The following TEX14 variants were observed in gnomAD, a reference collection of about 807,000 sequenced individuals.
The protein encoded by TEX14 is inactive serine/threonine-protein kinase TEX14.
Under a neutral mutation model 178.6 loss-of-function variants are expected in TEX14, and 168 were observed. That is an observed-to-expected ratio of 0.94 (90% CI 0.83 to 1.07). The LOEUF is 1.07. Among genes scored for constraint, TEX14 ranks in the 50% least tolerant of loss-of-function variants. The pLI is 0.00. For missense variants in TEX14, 1,730 were observed against 1,753.6 expected, an observed-to-expected ratio of 0.99 and a Z score of 0.24; for synonymous variants, 626 against 634.1, an observed-to-expected ratio of 0.99 and a Z score of 0.19.
chr17:58,619,407 T>C (rs1209392464), intron 5 of TEX14, among the ~76,000 whole-genome samples: 1 of 152,212 alleles, frequency 6.6e-6, no homozygotes, highest in Non-Finnish European at 1.5e-5. Flanking sequence ...CTTTCCCCAG[T>C]CCAAGCTCTG....
intron 1 of TEX14, chr17:58,661,818 T>C (rs2047118165): frequency 1.0e-5 from 5 of 485,014 alleles, no homozygotes; most frequent in Non-Finnish European, 1.8e-5. Flanking sequence ...TTTGTCTCTC[T>C]GTTTCCGTTT....
chr17:58,577,443 G>C lies in TEX14; in HGVS notation c.3252C>G (p.Phe1084Leu). The C allele has an allele frequency of 6.8e-7, 1 of 1,466,572 alleles. No individual in the cohort carries two copies. Among genetic ancestry groups the C allele is most frequent in the South Asian group, 1.4e-5 (1 of 73,288 alleles). The allele number at this position is 1,466,572 out of a possible 1,614,324, so 90.8% of individuals were successfully genotyped here. A position where few individuals can be genotyped will look rare whatever the true frequency, so the allele number is the denominator to read the frequency against. Residue 1084 changes from phenylalanine to leucine, a missense_variant, in exon 21 of 32, where the codon TTC (phenylalanine) becomes TTG (leucine). Phe to Leu is a conservative substitution (Grantham distance 22). Transcript: ENST00000349033. ...AQPQVSGEEK[F>L]QMRKILGKNA... ...TCTTTCCAAGAATTTTTCTCATTTGGAACTTTTCCTCACCTGAAAGAATAA... is the reference window on the plus strand; with the variant it reads ...TCTTTCCAAGAATTTTTCTCATTTGCAACTTTTCCTCACCTGAAAGAATAA...
chr17:58,661,661 G>T (rs761020796), intron 1 of TEX14: 5 of 626,674 alleles, frequency 8.0e-6, no homozygotes, highest in Non-Finnish European at 1.4e-5. Flanking sequence ...AAAGATTCTG[G>T]CGTAGATTTC....
chr17:58,649,715 G>A (rs1241848421), intron 2 of TEX14, among the ~76,000 whole-genome samples: 1 of 152,104 alleles, frequency 6.6e-6, no homozygotes, highest in Non-Finnish European at 1.5e-5. Flanking sequence ...CATTCACTGT[G>A]AGAAACAGAG....
Position 58,623,032 on chromosome 17 carries a change from C to T in TEX14, c.252-20G>A, listed in dbSNP as rs759934131. On this transcript the variant is annotated intron_variant, in intron 3 of 31. Transcript: ENST00000349033. Reference sequence around the variant, plus strand: ...CAGCGGCTGGGGAGGGAGATGAGTACAATTGATGTCCATGGCAATGCTCCT... The same window carrying T: ...CAGCGGCTGGGGAGGGAGATGAGTATAATTGATGTCCATGGCAATGCTCCT... 1 of 1,577,144 alleles carries T rather than the reference C, an allele frequency of 6.3e-7. No homozygotes were observed. The highest frequency in any genetic ancestry group is 1.3e-5 in the African/African-American group (1 of 74,476).
chr17:58,665,905 C>T (rs1000728770), intron 1 of TEX14, among the ~76,000 whole-genome samples: 4 of 151,938 alleles, frequency 2.6e-5, no homozygotes, highest in South Asian at 2.1e-4. Context: ...AAACTAGCCA[C>T]GCGTGGTGGC....
In TEX14 at chr17:58,642,688, G is replaced by A. The variant is rs140377303; in HGVS notation, c.136+9178C>T. Among the ~76,000 whole-genome samples, 865 of 151,954 alleles carry A rather than the reference G, an allele frequency of 5.7e-3. 5 individuals are homozygous for A. Among genetic ancestry groups the A allele is most frequent in the African/African-American group, 9.2e-3 (380 of 41,446 alleles). On this transcript the variant is annotated intron_variant, in intron 2 of 31. Coordinates refer to ENST00000349033, the MANE Select transcript of TEX14 (RefSeq NM_031272.5). ...TTTTGAATTTATAAAGTACTTTCTGGTCACTTTCATCCAAGGGTCCTATCT... is the reference window on the plus strand; with the variant it reads ...TTTTGAATTTATAAAGTACTTTCTGATCACTTTCATCCAAGGGTCCTATCT...
At chr17:58,681,451 T>C (rs1464991243) in intron 1 of TEX14, among the ~76,000 whole-genome samples, 5 of 152,112 alleles carry the variant, frequency 3.3e-5, no homozygotes, top group Non-Finnish European at 7.3e-5. Context: ...TATACTTTCC[T>C]TTTCAAAGAA....
At position 58,611,331 on chromosome 17, in the gene TEX14, C is replaced by A; in HGVS notation, c.1014G>T (p.Gln338His). Residue 338 changes from glutamine to histidine, a missense_variant, in exon 10 of 32, where the codon CAG becomes CAT. Physicochemically the swap from Gln to His is conservative, Grantham distance 24. Around this residue, in one of 2 missense-constraint regions of TEX14, gnomAD observed 789 missense variants for 681.2 expected, o/e 1.16. Coordinates refer to ENST00000349033, the MANE Select transcript of TEX14 (RefSeq NM_031272.5). ...TCACCTCCATGTGCAGCACTGGGAA[C>A]TGGGACCGCTGCAAGCAAGAGATGA... ...LFSVLHERRS[Q>H]FPVLHMEVIV... 1.2e-6 allele frequency: 2 copies of A among 1,611,484 alleles called. No individual in the cohort carries two copies. Among genetic ancestry groups the A allele is most frequent in the East Asian group, 2.2e-5 (1 of 44,864 alleles).
chr17:58,572,696 TA>T (rs2044564983), intron 23 of TEX14, among the ~76,000 whole-genome samples: 1 of 151,196 alleles, frequency 6.6e-6, no homozygotes, highest in South Asian at 2.1e-4. Context: ...CCTCATGGTA[TA>T]AAAAATAATA....
At chr17:58,571,238 T>TTC (rs1555565583) in intron 24 of TEX14, among the ~76,000 whole-genome samples, 1 of 147,686 alleles carries the variant, frequency 6.8e-6, no homozygotes, top group African/African-American at 2.5e-5. Context: ...TTCTTTTCTT[T>TTC]TTTTTTTTTT....
intron 1 of TEX14, among the ~76,000 whole-genome samples, chr17:58,683,574 T>A (rs1388709997): frequency 7.2e-6 from 1 of 138,708 alleles, no homozygotes; most frequent in Admixed American, 7.4e-5. Flanking sequence ...ACCAGCCTGG[T>A]CAACATGGTG....
In TEX14 at chr17:58,615,255, T is replaced by G. The variant is rs2045845721; in HGVS notation, c.858A>C (p.Leu286Phe). Residue 286 changes from leucine (L) to phenylalanine (F), a missense_variant, in exon 8 of 32, where the codon TTA becomes TTC. By Grantham distance (22) the Leu-to-Phe change is conservative (BLOSUM62 0). This residue lies in a region of TEX14 where 789 missense variants were observed against 681.2 expected (regional missense o/e 1.16). Coordinates refer to ENST00000349033, the MANE Select transcript of TEX14 (RefSeq NM_031272.5). ...HCSRLRLADL[L>F]IAEQEHSSKL... ...ACCTGCTGTGTTCCTGCTCGGCAAT[T>G]AACAAGTCGGCCAGCCGCAGCCTGC... The G allele has an allele frequency of 6.2e-7, 1 of 1,613,096 alleles. No homozygotes were observed. Among genetic ancestry groups the G allele is most frequent in the Non-Finnish European group, 8.5e-7 (1 of 1,179,310 alleles).
chr17:58,646,733 T>C (rs1393232735), intron 2 of TEX14, among the ~76,000 whole-genome samples: 1 of 152,202 alleles, frequency 6.6e-6, no homozygotes. Flanking sequence ...ATGAATCTTG[T>C]GTGCTGACTT....
chr17:58,610,221 T>C (rs1388153269), intron 10 of TEX14, among the ~76,000 whole-genome samples: 1 of 152,212 alleles, frequency 6.6e-6, no homozygotes, highest in Non-Finnish European at 1.5e-5. Context: ...CCTCCATATC[T>C]ATCCAGGCCA....
chr17:58,674,560 C>T (rs939332662), intron 1 of TEX14, among the ~76,000 whole-genome samples: 8 of 151,416 alleles, frequency 5.3e-5, no homozygotes, highest in Non-Finnish European at 1.0e-4. Context: ...ATCCCAGCTA[C>T]TCGAGACGGA....
chr17:58,596,654 C>T (rs1342683755), intron 14 of TEX14, among the ~76,000 whole-genome samples: 7 of 148,980 alleles, frequency 4.7e-5, no homozygotes, highest in African/African-American at 1.7e-4. Context: ...GAGGCCAAGG[C>T]GGGTGGATTG....
chr17:58,623,211 C>CACAA lies in TEX14; in HGVS notation c.252-200_252-199insTTGT, dbSNP rs1555573920. On this transcript the variant is annotated intron_variant, in intron 3 of 31. Transcript: ENST00000349033. ...ACACACACACACACACACACACACA[C>CACAA]AATCCCTTTTTTTCCCTCCTTCACT... Among the ~76,000 whole-genome samples the CACAA allele has an allele frequency of 2.7e-5, 4 of 150,910 alleles. No individual in the cohort carries two copies. In the East Asian group the frequency reaches 5.9e-4, roughly 22 times the overall value.
At chr17:58,574,667 T>G (rs1356417247) in intron 21 of TEX14, among the ~76,000 whole-genome samples, 2 of 86,300 alleles carry the variant, frequency 2.3e-5, no homozygotes, top group African/African-American at 9.9e-5. Flanking sequence ...AGAATGAGAC[T>G]CCATCTCCAA....
Sources: allele counts gnomAD v4.1 joint callset (sites outside exome capture counted in the v4.1 genomes callset), GRCh38; gene constraint gnomAD v4.1.1; regional missense constraint gnomAD v4.1.1; transcripts MANE v1.5; gene names NCBI Gene and HGNC (gene_info 2026-07-23, HGNC 2026-07-21).